PCDH7: variants seen among roughly 807,000 people sequenced by gnomAD.
PCDH7 encodes the protein protocadherin 7, also known as protocadherin-7.
PCDH7 carries 17 observed loss-of-function variants against 58.9 expected under a neutral mutation model. The observed-to-expected ratio is 0.29, with a 90% CI of 0.20 to 0.43. The LOEUF (loss-of-function observed/expected upper bound fraction) is 0.43, where lower values mean the gene tolerates loss of function less well. Among genes scored for constraint, PCDH7 ranks in the 20% least tolerant of loss-of-function variants. PCDH7 has a pLI of 1.00. For missense variants in PCDH7, 1,274 were observed against 1,441.0 expected, an observed-to-expected ratio of 0.88 and a Z score of 1.88; for synonymous variants, 664 against 616.4, an observed-to-expected ratio of 1.08 and a Z score of -1.14.
chr4:31,065,271 C>G (rs1312208751), intron 3 of PCDH7, among the ~76,000 whole-genome samples: 1 of 151,948 alleles, frequency 6.6e-6, no homozygotes, highest in Non-Finnish European at 1.5e-5. Context: ...TCTGAGTCGT[C>G]GTAACATCCA....
At position 30,800,157 on chromosome 4, in the gene PCDH7, G is replaced by A. The variant is rs193121848; in HGVS notation, c.70+75561G>A. On this transcript the variant is annotated intron_variant, in intron 1 of 3. Transcript: ENST00000509759. ...ACAGGCGTGAGCCACCTTGCCCAGC[G>A]TATGAATATAACTTCTACTGATATC... 4.5e-3 allele frequency among the ~76,000 whole-genome samples: 690 copies of A among 151,880 alleles called. 2 individuals are homozygous for A. Among genetic ancestry groups the A allele is most frequent in the Non-Finnish European group, 8.0e-3 (542 of 67,932 alleles).
At chr4:31,126,005 C>A (rs1215831542) in intron 3 of PCDH7, among the ~76,000 whole-genome samples, 1 of 152,140 alleles carries the variant, frequency 6.6e-6, no homozygotes, top group Non-Finnish European at 1.5e-5. Context: ...AATTCTGCCA[C>A]TCAGCAGATG....
intron 2 of PCDH7, among the ~76,000 whole-genome samples, chr4:30,939,374 T>A (rs761695665): frequency 2.0e-5 from 3 of 152,138 alleles, no homozygotes; most frequent in Non-Finnish European, 4.4e-5. Flanking sequence ...TATAATAAAG[T>A]CCTTGTGATA....
At chr4:31,051,839 G>T (rs58475897) in intron 3 of PCDH7, among the ~76,000 whole-genome samples, 1 of 149,736 alleles carries the variant, frequency 6.7e-6, no homozygotes, top group Non-Finnish European at 1.5e-5. Flanking sequence ...TGTGTGGGGG[G>T]CGGGTAGGGG....
At chr4:30,920,396 C>CA (rs760987160) in intron 2 of PCDH7, 27 bp downstream of exon 2, 1 of 1,347,718 alleles carries the variant, frequency 7.4e-7, no homozygotes, top group East Asian at 4.6e-5. Context: ...CATCCACACA[C>CA]ATAATCACGC....
rs902845190 is a variant in PCDH7, at chr4:30,955,058, G to T, written c.*7+4843G>T. 1.3e-4 allele frequency among the ~76,000 whole-genome samples: 20 copies of T among 151,846 alleles called. 1 individual carries two copies. The highest frequency in any genetic ancestry group is 1.5e-5 in the Non-Finnish European group (1 of 67,976). On this transcript the variant is annotated intron_variant, in intron 3 of 3. Transcript: ENST00000509759. ...CACAAACTTGCATCATAAATTCTGA[G>T]AATGCTTCTCATTCAAAAAGAAAAA...
At chr4:31,100,321 AG>A (rs1714744557) in intron 3 of PCDH7, among the ~76,000 whole-genome samples, 1 of 152,226 alleles carries the variant, frequency 6.6e-6, no homozygotes, top group African/African-American at 2.4e-5. Context: ...TATTTAAGTC[AG>A]CATCAAACAA....
In PCDH7 at chr4:30,771,277, A is replaced by G. The variant is rs563894513; in HGVS notation, c.70+46681A>G. ...CTAGATCTGACAAATGACTGTTGTT[A>G]AATTAGGATTATAGGGAAACTCAGA... On this transcript the variant is annotated intron_variant, in intron 1 of 3. Coordinates refer to the PCDH7 transcript ENST00000509759. Among the ~76,000 whole-genome samples, 19 of 152,340 alleles carry G rather than the reference A, an allele frequency of 1.2e-4. 1 individual carries two copies. The highest frequency in any genetic ancestry group is 3.8e-4 in the African/African-American group (16 of 41,582).
intron 2 of PCDH7, among the ~76,000 whole-genome samples, chr4:30,924,661 C>T (rs574300502): frequency 6.6e-6 from 1 of 152,202 alleles, no homozygotes; most frequent in East Asian, 1.9e-4. Flanking sequence ...TGTGGAGCCT[C>T]CTTCAGATCC....
At chr4:30,877,826 A>G (rs1166946136) in intron 1 of PCDH7, among the ~76,000 whole-genome samples, 1 of 152,180 alleles carries the variant, frequency 6.6e-6, no homozygotes, top group Non-Finnish European at 1.5e-5. Context: ...GCCAGTGCCA[A>G]TTCTTATCTG....
chr4:31,067,523 T>C (rs1220970339), intron 3 of PCDH7, among the ~76,000 whole-genome samples: 2 of 151,766 alleles, frequency 1.3e-5, no homozygotes, highest in Non-Finnish European at 2.9e-5. Flanking sequence ...GTTGAATAGG[T>C]GATCGTACTT....
intron 3 of PCDH7, among the ~76,000 whole-genome samples, chr4:31,006,903 A>C (rs1560571795): frequency 7.5e-6 from 1 of 132,888 alleles, no homozygotes; most frequent in African/African-American, 3.4e-5. Context: ...AAAAAAAAAA[A>C]AAAAGAAAAA....
At chr4:30,947,527 C>T (rs1746852732) in intron 2 of PCDH7, among the ~76,000 whole-genome samples, 1 of 152,084 alleles carries the variant, frequency 6.6e-6, no homozygotes, top group African/African-American at 2.4e-5. Context: ...TTCCTTCACC[C>T]AGAAATTGCA....
intron 1 of PCDH7, among the ~76,000 whole-genome samples, chr4:30,878,156 A>G (rs1421980232): frequency 1.3e-5 from 2 of 152,156 alleles, no homozygotes; most frequent in African/African-American, 4.8e-5. Context: ...ATAGGGCACC[A>G]TGCTGGTGCA....
At chr4:30,770,589 C>T (rs1721276243) in intron 1 of PCDH7, among the ~76,000 whole-genome samples, 1 of 152,108 alleles carries the variant, frequency 6.6e-6, no homozygotes, top group African/African-American at 2.4e-5. Flanking sequence ...TAACTGAATG[C>T]CTACATCATG....
chr4:30,908,969 A>G (rs183977895), intron 1 of PCDH7, among the ~76,000 whole-genome samples: 51 of 152,302 alleles, frequency 3.3e-4, no homozygotes, highest in Admixed American at 5.9e-4. Context: ...GCATATCAAA[A>G]AGCTTATGTA....
intron 1 of PCDH7, among the ~76,000 whole-genome samples, chr4:30,917,506 A>G (rs1168228969): frequency 6.6e-6 from 1 of 152,098 alleles, no homozygotes; most frequent in East Asian, 1.9e-4. Context: ...TTTATTTTGA[A>G]TATTTATTGT....
At chr4:30,781,567 C>T (rs1289799005) in intron 1 of PCDH7, among the ~76,000 whole-genome samples, 10 of 149,584 alleles carry the variant, frequency 6.7e-5, no homozygotes, top group Non-Finnish European at 1.2e-4. Context: ...ACGAAGTTTC[C>T]CTCTTGTTGC....
intron 3 of PCDH7, among the ~76,000 whole-genome samples, chr4:30,985,733 A>G (rs1750911863): frequency 6.6e-6 from 1 of 152,142 alleles, no homozygotes; most frequent in Non-Finnish European, 1.5e-5. Flanking sequence ...ACATTTTCCA[A>G]TTTTTGAACG....
Sources: gnomAD v4.1 joint callset for allele counts (sites outside exome capture counted in the v4.1 genomes callset) on GRCh38, gnomAD v4.1.1 for gene constraint, MANE v1.5 for transcripts, NCBI Gene and HGNC (gene_info 2026-07-23, HGNC 2026-07-21) for gene names.